Variants in TMEM179 observed in about 807,000 individuals in gnomAD.
TMEM179 encodes transmembrane protein 179.
In TMEM179, 17 loss-of-function variants were observed where a neutral mutation model predicts 22.2. That is an observed-to-expected ratio of 0.77 (90% confidence interval 0.52 to 1.15). The LOEUF is 1.15. Ranked by LOEUF, TMEM179 falls within the 50% of genes most tolerant of loss-of-function variation. The pLI, the probability that TMEM179 is intolerant of heterozygous loss-of-function variation, is 0.00. For synonymous variants in TMEM179, 127 were observed against 140.5 expected (o/e 0.90, Z 0.68); for missense variants, 265 against 313.6 (o/e 0.84, Z 1.17).
At position 104,604,718 on chromosome 14, in the gene TMEM179, G is replaced by A. The variant is rs12433571; in HGVS notation, c.24C>T (p.Phe8=). ...CCAAGAAGTAGCAGGCGCACTGAGC[G>A]AAAAGGAAATTGTTGAGCGCCATGG... The part of the protein sequence containing the change: MALNNFL[F]AQCACYFLAF... Residue 8 remains phenylalanine, a synonymous_variant, in exon 1 of 4, where the codon TTC becomes TTT. Transcript: ENST00000556573. This position sits in a 1 kb window ranked among gnomAD's most constrained non-coding sequence, Gnocchi z 4.6. 8.5e-3 allele frequency: 13,390 copies of A among 1,583,566 alleles called. 1,046 individuals carry two copies. In the Admixed American group the frequency reaches 0.17, roughly 20 times the overall value.
intron 1 of TMEM179, among the ~76,000 whole-genome samples, chr14:104,600,317 G>A (rs976531794): frequency 1.1e-4 from 16 of 152,194 alleles, no homozygotes; most frequent in African/African-American, 3.4e-4. Flanking sequence ...CTTCACTGCC[G>A]CTCAGGGTGC....
chr14:104,594,075 C>G (rs578210194), intron 3 of TMEM179: 1 of 1,232,954 alleles, frequency 8.1e-7, no homozygotes, highest in Non-Finnish European at 1.0e-6. Context: ...GACCTTTAGC[C>G]GCTGTTTCCA....
chr14:104,594,412 C>G, intron 3 of TMEM179: 2 of 1,231,778 alleles, frequency 1.6e-6, no homozygotes. Flanking sequence ...CCAGCGGGCC[C>G]TGATCAGTGC....
chr14:104,593,417 C>T lies in TMEM179; in HGVS notation c.*62G>A. On this transcript the variant is annotated 3_prime_UTR_variant, in exon 4 of 4. Transcript: ENST00000556573. ...AGAGCCCCCCAGCTGCTTCCCCAGG[C>T]AGGCCCGTGCCCCCGAGCGCAGCAG... is the stretch of plus-strand genomic sequence containing the variant. The T allele has an allele frequency of 2.0e-6, 3 of 1,529,046 alleles. No homozygotes were observed. Among genetic ancestry groups the T allele is most frequent in the Middle Eastern group, 1.7e-4 (1 of 5,962 alleles). The allele number at this position is 1,529,046 out of a possible 1,614,324, so 94.7% of individuals were successfully genotyped here. A position where few individuals can be genotyped will look rare whatever the true frequency, so the allele number is the denominator to read the frequency against.
In TMEM179 at chr14:104,593,464, C is replaced by A. The variant is rs145527478; in HGVS notation, c.*15G>T. ...GCAGGGAGGTCGGGGCCAGCTCCCC[C>A]TGCCTGCACTGTGCCTAAATGACAG... On this transcript the variant is annotated 3_prime_UTR_variant, in exon 4 of 4. Transcript: ENST00000556573. 3 of 1,535,886 alleles carry A rather than the reference C, an allele frequency of 2.0e-6. No individual in the cohort carries two copies. Among genetic ancestry groups the A allele is most frequent in the African/African-American group, 1.4e-5 (1 of 73,046 alleles).
In TMEM179 at chr14:104,595,158, C is replaced by T. The variant is rs1412565053; in HGVS notation, c.522+7G>A. On this transcript the variant is annotated splice_region_variant and intron_variant, in intron 3 of 3. Transcript: ENST00000556573. This position sits in a 1 kb window ranked among gnomAD's most constrained non-coding sequence, Gnocchi z 5.7. Reference sequence around the variant, plus strand: ...GCAAGCCTCCCTTCTTGCCCAGAGCCCCCTACCTGGGCAATTGCAAACTGA... The same window carrying T: ...GCAAGCCTCCCTTCTTGCCCAGAGCTCCCTACCTGGGCAATTGCAAACTGA... 1 of 1,613,814 alleles carries T rather than the reference C, an allele frequency of 6.2e-7. No homozygotes were observed. The highest frequency in any genetic ancestry group is 8.5e-7 in the Non-Finnish European group (1 of 1,179,980).
intron 1 of TMEM179, among the ~76,000 whole-genome samples, chr14:104,600,830 A>G (rs1350593872): frequency 6.6e-6 from 1 of 152,208 alleles, no homozygotes. Context: ...TGGACGTGCC[A>G]TGTGCCCCTC....
intron 1 of TMEM179, among the ~76,000 whole-genome samples, chr14:104,598,606 A>G (rs1887124298): frequency 6.6e-6 from 1 of 152,256 alleles, no homozygotes; most frequent in African/African-American, 2.4e-5. Context: ...GATACAAAAG[A>G]CGAAGTCCTG....
chr14:104,596,998 T>C lies in TMEM179; in HGVS notation c.435A>G (p.Val145=). The stretch of plus-strand genomic sequence containing the variant: ...GGGTGGGGCGGGCGCACCTGTGGGG[T>C]ACGGTGCCCTTCTCGGTGATGGTGT... The part of the protein sequence containing the change: ...WCDTITEKGT[V]PHSCEELQDI... Residue 145 remains valine (V), a synonymous_variant, in exon 2 of 4, where the codon GTA becomes GTG. Coordinates refer to ENST00000556573, the MANE Select transcript of TMEM179 (RefSeq NM_001286389.2). The C allele has an allele frequency of 6.3e-7, 1 of 1,597,694 alleles. No individual in the cohort carries two copies. Among genetic ancestry groups the C allele is most frequent in the African/African-American group, 1.3e-5 (1 of 74,388 alleles).
At position 104,595,591 on chromosome 14, in the gene TMEM179, C is replaced by T. The variant is rs553168468; in HGVS notation, c.444-348G>A. 2.2e-4 allele frequency among the ~76,000 whole-genome samples: 33 copies of T among 152,274 alleles called. No individual in the cohort carries two copies. The South Asian group carries it at 3.1e-3, about 14-fold the overall frequency. On this transcript the variant is annotated intron_variant, in intron 2 of 3. Transcript: ENST00000556573. This position sits in a 1 kb window ranked among gnomAD's most constrained non-coding sequence, Gnocchi z 5.7. ...GGCCCCTCCCTGTCCTGACCCAGGA[C>T]GGCCGGAAGACGCCAGCTCAGCCTC...
chr14:104,594,396 C>T, intron 3 of TMEM179: 2 of 1,231,786 alleles, frequency 1.6e-6, no homozygotes, highest in Non-Finnish European at 2.0e-6. Context: ...GGAATTGGAC[C>T]TGAAGCCAGC....
chr14:104,595,133 G>A lies in TMEM179; in HGVS notation c.522+32C>T. ...CAGTAAATGGCCCCCTCCCAGCATT[G>A]CAAGCCTCCCTTCTTGCCCAGAGCC... On this transcript the variant is annotated intron_variant, in intron 3 of 3. Transcript: ENST00000556573. This position sits in a 1 kb window ranked among gnomAD's most constrained non-coding sequence, Gnocchi z 5.7. The A allele has an allele frequency of 1.9e-6, 3 of 1,613,388 alleles. No individual in the cohort carries two copies. The highest frequency in any genetic ancestry group is 2.5e-6 in the Non-Finnish European group (3 of 1,179,798).
intron 1 of TMEM179, among the ~76,000 whole-genome samples, chr14:104,601,507 C>T (rs1566746174): frequency 6.6e-6 from 1 of 152,128 alleles, no homozygotes; most frequent in Non-Finnish European, 1.5e-5. Flanking sequence ...CTCTTGAGAG[C>T]GTTAACCTTC....
chr14:104,603,989 C>T (rs1351521360), intron 1 of TMEM179, among the ~76,000 whole-genome samples: 1 of 152,194 alleles, frequency 6.6e-6, no homozygotes, highest in African/African-American at 2.4e-5. Context: ...GTCCCTTTCC[C>T]GGGGCGATGG....
At chr14:104,599,622 C>T (rs1261693010) in intron 1 of TMEM179, among the ~76,000 whole-genome samples, 1 of 152,184 alleles carries the variant, frequency 6.6e-6, no homozygotes, top group Non-Finnish European at 1.5e-5. Flanking sequence ...CAGAGCGGAA[C>T]GCAGTAAGCC....
At position 104,600,991 on chromosome 14, in the gene TMEM179, T is replaced by C. The variant is rs1887218621; in HGVS notation, c.305+3446A>G. Reference sequence around the variant, plus strand: ...CCAGAGTCTGATGGGGTCAGTGGGCTCCTCCCTGGGCTGGACGTCCAGTGG... The same window carrying C: ...CCAGAGTCTGATGGGGTCAGTGGGCCCCTCCCTGGGCTGGACGTCCAGTGG... On this transcript the variant is annotated intron_variant, in intron 1 of 3. Coordinates refer to ENST00000556573, the MANE Select transcript of TMEM179 (RefSeq NM_001286389.2). 2.0e-5 allele frequency among the ~76,000 whole-genome samples: 3 copies of C among 152,194 alleles called. No individual in the cohort carries two copies. The South Asian group carries it at 6.2e-4, about 32-fold the overall frequency.
At chr14:104,594,168 G>C in intron 3 of TMEM179, 1 of 1,232,166 alleles carries the variant, frequency 8.1e-7, no homozygotes, top group Non-Finnish European at 1.0e-6. Flanking sequence ...TTTGCCATCA[G>C]ACTGCACTCA....
chr14:104,593,546 T>TTC lies in TMEM179; in HGVS notation c.633_634dup (p.Lys212ArgfsTer71), dbSNP rs1189054280. ...GGACGGCCGGGCCAGCAGCAGCTCCTTCTCGTGGATCAGGCTGTCCAGCAG... is the reference window on the plus strand; with the variant it reads ...GGACGGCCGGGCCAGCAGCAGCTCCTTCTCTCGTGGATCAGGCTGTCCAGCAG... On this transcript the variant is annotated frameshift_variant, in exon 4 of 4. Coordinates refer to ENST00000556573, the MANE Select transcript of TMEM179 (RefSeq NM_001286389.2). LOFTEE classifies it high-confidence loss of function. 10 of 1,534,974 alleles carry TTC rather than the reference T, an allele frequency of 6.5e-6. No individual in the cohort carries two copies. The highest frequency in any genetic ancestry group is 8.7e-6 in the Non-Finnish European group (10 of 1,146,184).
In TMEM179 at chr14:104,595,971, G is replaced by T. The variant is rs183825173; in HGVS notation, c.444-728C>A. On this transcript the variant is annotated intron_variant, in intron 2 of 3. Coordinates refer to ENST00000556573, the MANE Select transcript of TMEM179 (RefSeq NM_001286389.2). This position sits in a 1 kb window ranked among gnomAD's most constrained non-coding sequence, Gnocchi z 5.7. ...GTCTGTGAGGCCAAGGAAACTTTGC[G>T]TGTGTACCAGAGGTTGCCCACACTC... 6.6e-6 allele frequency among the ~76,000 whole-genome samples: 1 copy of T among 152,266 alleles called. No individual in the cohort carries two copies. Among genetic ancestry groups the T allele is most frequent in the East Asian group, 1.9e-4 (1 of 5,192 alleles).
Sources: gnomAD v4.1 joint callset for allele counts (sites outside exome capture counted in the v4.1 genomes callset) on GRCh38, gnomAD v4.1.1 for gene constraint, Gnocchi (gnomAD v3.1) non-coding constraint, MANE v1.5 for transcripts, NCBI Gene and HGNC (gene_info 2026-07-23, HGNC 2026-07-21) for gene names.